Variants in CTBP2 observed in about 807,000 individuals in gnomAD.
CTBP2 encodes C-terminal binding protein 2.
A neutral mutation model predicts 80.3 loss-of-function variants in CTBP2; 30 were observed. That is an observed-to-expected ratio of 0.37 (90% confidence interval 0.28 to 0.51). The LOEUF (loss-of-function observed/expected upper bound fraction) is 0.51, where lower values mean the gene tolerates loss of function less well. Ranked by LOEUF, CTBP2 falls within the 20% of genes least tolerant of loss-of-function variation. CTBP2 has a pLI of 0.93. For missense variants in CTBP2, 1,212 were observed against 1,375.3 expected, an observed-to-expected ratio of 0.88 and a Z score of 1.88; for synonymous variants, 594 against 587.4, an observed-to-expected ratio of 1.01 and a Z score of -0.16.
chr10:125,026,764 G>A lies in CTBP2; in HGVS notation c.996C>T (p.Val332=), dbSNP rs750672091. 56 of 1,612,926 alleles carry A rather than the reference G, an allele frequency of 3.5e-5. No homozygotes were observed. The highest frequency in any genetic ancestry group is 8.9e-5 in the East Asian group (4 of 44,890). ...CACGGGCCTGGCCCAGGTTGGGTGC[G>A]ACAGACTTGATATCCGCGTCCTCCA... The change falls in exon 1 of 9, where the codon GTC becomes GTT. Residue 332 remains valine, a synonymous_variant. Transcript: ENST00000309035.
intron 2 of CTBP2, among the ~76,000 whole-genome samples, chr10:125,089,574 A>C (rs995950884): frequency 1.4e-4 from 22 of 152,162 alleles, no homozygotes; most frequent in African/African-American, 4.8e-4. Context: ...TGTGCAGATC[A>C]GGCAGGCACA....
intron 2 of CTBP2, among the ~76,000 whole-genome samples, chr10:125,080,862 C>T (rs1209683394): frequency 6.6e-6 from 1 of 151,786 alleles, no homozygotes; most frequent in Non-Finnish European, 1.5e-5. Flanking sequence ...ACTGCACATG[C>T]GTCACCTCCA....
intron 3 of CTBP2, among the ~76,000 whole-genome samples, chr10:125,036,707 G>GTGTGTGTGTT (rs57240876): frequency 9.6e-6 from 1 of 103,892 alleles, no homozygotes; most frequent in East Asian, 2.2e-4. Flanking sequence ...GTGTGTGTGT[G>GTGTGTGTGTT]TGTGTGTGTT....
At chr10:125,161,066 T>G (rs1404025585), upstream of CTBP2, 2 of 89,844 alleles carry the variant, frequency 2.2e-5, no homozygotes, top group Non-Finnish European at 2.5e-5. Context: ...GCTCCTGTTT[T>G]TGGGGGGGGG....
chr10:125,027,235 CT>C lies in CTBP2; in HGVS notation c.524del (p.Gln175ArgfsTer79), dbSNP rs1564743068. 1.0e-5 allele frequency: 16 copies of C among 1,606,678 alleles called. No individual in the cohort carries two copies. The highest frequency in any genetic ancestry group is 1.4e-5 in the Non-Finnish European group (16 of 1,173,718). ...CAGCCCTGCTCTGTGTCTGCCGCCC[CT>C]GAGGGATCATTTTACCTCCAGGATC... On this transcript the variant is annotated frameshift_variant, in exon 1 of 9. Transcript: ENST00000309035. LOFTEE classifies it high-confidence loss of function.
At chr10:125,093,774 A>C (rs543407067) in intron 2 of CTBP2, among the ~76,000 whole-genome samples, 1 of 152,364 alleles carries the variant, frequency 6.6e-6, no homozygotes, top group Non-Finnish European at 1.5e-5. Context: ...GGGGCAGCAC[A>C]GAACGCGCGC....
chr10:125,113,235 C>T lies in CTBP2; in HGVS notation c.-205-2142G>A, dbSNP rs1444047119. Among the ~76,000 whole-genome samples the T allele has an allele frequency of 2.0e-5, 3 of 152,210 alleles. No individual in the cohort carries two copies. In the East Asian group the frequency reaches 5.8e-4, roughly 29 times the overall value. ...AGCCTATAGTGACACAAGCATCTAA[C>T]AGCCAAGGAACTATTTTTTTGAGGT... On this transcript the variant is annotated intron_variant, in intron 1 of 10. Coordinates refer to the CTBP2 transcript ENST00000337195.
At chr10:125,128,857 T>C (rs1350410192) in intron 1 of CTBP2, among the ~76,000 whole-genome samples, 1 of 152,210 alleles carries the variant, frequency 6.6e-6, no homozygotes, top group Non-Finnish European at 1.5e-5. Context: ...GAATGGTTCA[T>C]AGCTACTTGC....
intron 2 of CTBP2, among the ~76,000 whole-genome samples, chr10:125,095,957 C>A (rs552840888): frequency 6.6e-6 from 1 of 152,236 alleles, no homozygotes; most frequent in Admixed American, 6.5e-5. Context: ...CAAGTCTTCA[C>A]CCCCTCGGCC....
chr10:125,017,352 A>C (rs756289751), intron 1 of CTBP2, among the ~76,000 whole-genome samples: 3 of 152,210 alleles, frequency 2.0e-5, no homozygotes, highest in African/African-American at 4.8e-5. Flanking sequence ...CTTCTGAGCA[A>C]CGGGTTCATC....
At chr10:125,090,753 C>CA (rs571042900) in intron 2 of CTBP2, among the ~76,000 whole-genome samples, 11,977 of 139,068 alleles carry the variant, frequency 0.086, 545 homozygotes, top group Middle Eastern at 0.15. Flanking sequence ...GATCTTGTCT[C>CA]AAAAAAAAAA....
At chr10:125,030,853 G>C (rs1014807337), upstream of CTBP2, among the ~76,000 whole-genome samples, 1 of 152,090 alleles carries the variant, frequency 6.6e-6, no homozygotes, top group Admixed American at 6.6e-5. Flanking sequence ...CTTCCCCAGG[G>C]GGGTCCTGCA....
At chr10:125,080,954 T>TA (rs11392481) in intron 2 of CTBP2, among the ~76,000 whole-genome samples, 24,938 of 140,740 alleles carry the variant, frequency 0.18, 2,110 homozygotes, top group Middle Eastern at 0.27. Context: ...GTACAGGACT[T>TA]AAAAAAAAAA....
intron 1 of CTBP2, among the ~76,000 whole-genome samples, chr10:125,137,140 A>G (rs1321330685): frequency 1.3e-5 from 2 of 152,264 alleles, no homozygotes; most frequent in African/African-American, 4.8e-5. Flanking sequence ...ACAATTCGCC[A>G]AGATACTGAA....
intron 1 of CTBP2, chr10:125,005,806 C>T: frequency 1.9e-6 from 3 of 1,610,948 alleles, no homozygotes; most frequent in Non-Finnish European, 2.5e-6. Flanking sequence ...GTCCTGGTCT[C>T]ATGCCCCAGG....
In CTBP2 at chr10:124,988,859, C is replaced by CAA. The variant is rs1481534850; in HGVS notation, c.*657_*658dup. ...GAAACTGAGAAAATATATTTGAGTA[C>CAA]AAACAGCTTGTGAAACTTAATACTT... On this transcript the variant is annotated 3_prime_UTR_variant, in exon 9 of 9. Transcript: ENST00000309035. The CAA allele has an allele frequency of 2.0e-5, 3 of 149,506 alleles. No individual in the cohort carries two copies. Among genetic ancestry groups the CAA allele is most frequent in the African/African-American group, 7.4e-5 (3 of 40,310 alleles). 9.3% of individuals were successfully genotyped at this position (149,506 alleles called of 1,614,324 possible). A position where few individuals can be genotyped will look rare whatever the true frequency, so the allele number is the denominator to read the frequency against.
intron 2 of CTBP2, among the ~76,000 whole-genome samples, chr10:125,040,351 A>C (rs1959292167): frequency 6.7e-6 from 1 of 148,946 alleles, no homozygotes; most frequent in South Asian, 2.2e-4. Context: ...GCTACTTGGG[A>C]GGCTGAGGCA....
intron 2 of CTBP2, among the ~76,000 whole-genome samples, chr10:125,039,780 C>G (rs555695860): frequency 7.0e-4 from 107 of 152,316 alleles, no homozygotes; most frequent in Non-Finnish European, 1.2e-3. Context: ...TGGAGGGGAC[C>G]GCAGTCAGCA....
intron 1 of CTBP2, among the ~76,000 whole-genome samples, chr10:125,113,177 G>A (rs554669620): frequency 6.6e-6 from 1 of 152,208 alleles, no homozygotes; most frequent in East Asian, 1.9e-4. Flanking sequence ...GTGTTAGGAA[G>A]GGAGGGACAA....
Sources: allele counts gnomAD v4.1 joint callset (sites outside exome capture counted in the v4.1 genomes callset), GRCh38; gene constraint gnomAD v4.1.1; transcripts MANE v1.5; gene names NCBI Gene and HGNC (gene_info 2026-07-23, HGNC 2026-07-21).